Variants in MINPP1 observed in about 807,000 individuals in gnomAD.
MINPP1 encodes multiple inositol polyphosphate phosphatase 1.
MINPP1 carries 28 observed loss-of-function variants against 46.1 expected under a neutral mutation model. The ratio of observed to expected loss-of-function variants is 0.61; its 90% CI spans 0.45 to 0.83. The LOEUF (loss-of-function observed/expected upper bound fraction) is 0.83, where lower values mean the gene tolerates loss of function less well. Ranked by LOEUF, MINPP1 falls within the 40% of genes least tolerant of loss-of-function variation. The probability of loss-of-function intolerance (pLI) is 0.00; values close to 1 mark genes in which losing one functional copy is unlikely to be tolerated. For synonymous variants in MINPP1, 268 were observed against 249.1 expected (o/e 1.08, Z -0.72); for missense variants, 603 against 610.0 (o/e 0.99, Z 0.12).
At chr10:87,519,594 A>G (rs555637307) in intron 3 of MINPP1, among the ~76,000 whole-genome samples, 1 of 152,338 alleles carries the variant, frequency 6.6e-6, no homozygotes, top group East Asian at 1.9e-4. Context: ...GTGCTGTGCT[A>G]GTCTAGATTG....
chr10:87,536,722 G>A (rs1851740889), intron 4 of MINPP1, among the ~76,000 whole-genome samples: 1 of 152,104 alleles, frequency 6.6e-6, no homozygotes. Flanking sequence ...TGTTGCTGAT[G>A]AATCTAATAG....
At chr10:87,508,061 A>G in intron 1 of MINPP1, 1 of 1,456,176 alleles carries the variant, frequency 6.9e-7, no homozygotes, top group Non-Finnish European at 9.0e-7. Flanking sequence ...GTACTTATTA[A>G]TGTATGATGC....
At chr10:87,524,947 T>TATTACTAAAATGTGATAC (rs60373710) in intron 4 of MINPP1, among the ~76,000 whole-genome samples, 164 of 151,078 alleles carry the variant, frequency 1.1e-3, no homozygotes, top group African/African-American at 3.7e-3. Context: ...AAATATTGTG[T>TATTACTAAAATGTGATAC]ATTACTAAAA....
At chr10:87,512,663 A>G (rs1851352350) in intron 2 of MINPP1, among the ~76,000 whole-genome samples, 1 of 152,164 alleles carries the variant, frequency 6.6e-6, no homozygotes, top group Non-Finnish European at 1.5e-5. Flanking sequence ...ATTAAGTTTT[A>G]TATAGCAAGT....
chr10:87,532,894 A>G (rs1851679510), intron 4 of MINPP1, among the ~76,000 whole-genome samples: 2 of 152,200 alleles, frequency 1.3e-5, no homozygotes, highest in South Asian at 4.1e-4. Flanking sequence ...ACACATTGAC[A>G]GTCAGGCACC....
In MINPP1 at chr10:87,552,563, G is replaced by A; in HGVS notation, c.*85G>A. 7.4e-7 allele frequency: 1 copy of A among 1,360,480 alleles called. No homozygotes were observed. Among genetic ancestry groups the A allele is most frequent in the Non-Finnish European group, 1.0e-6 (1 of 967,408 alleles). 84.3% of individuals were successfully genotyped at this position (1,360,480 alleles called of 1,614,324 possible). ...ATAGGTAGGCAATTCCTTGATTACAGGAAGCTTTTATATTACTTGAGTATT... is the reference window on the plus strand; with the variant it reads ...ATAGGTAGGCAATTCCTTGATTACAAGAAGCTTTTATATTACTTGAGTATT... On this transcript the variant is annotated 3_prime_UTR_variant, in exon 5 of 5. Transcript: ENST00000371996.
Position 87,552,203 on chromosome 10 carries a change from AAAC to A in MINPP1, c.1192_1194del (p.Gln398del), listed in dbSNP as rs775994616. The A allele has an allele frequency of 1.9e-6, 3 of 1,613,856 alleles. No individual in the cohort carries two copies. The highest frequency in any genetic ancestry group is 2.5e-6 in the Non-Finnish European group (3 of 1,179,842). ...ACCCCTAACAGCGTACAATTACAAA[AAAC>A]AAATGCATCGGAAGTTCCGAAGTGG... is the stretch of plus-strand genomic sequence containing the variant. On this transcript the variant is annotated inframe_deletion, in exon 5 of 5. Transcript: ENST00000371996.
At chr10:87,544,988 G>C (rs552674097) in intron 4 of MINPP1, among the ~76,000 whole-genome samples, 2 of 152,168 alleles carry the variant, frequency 1.3e-5, no homozygotes, top group African/African-American at 2.4e-5. Flanking sequence ...TTATTTAAGA[G>C]TGTGTGTAAT....
chr10:87,511,304 T>C (rs909849171), intron 2 of MINPP1, among the ~76,000 whole-genome samples: 2 of 152,212 alleles, frequency 1.3e-5, no homozygotes, highest in Non-Finnish European at 2.9e-5. Context: ...AGTTTACATC[T>C]TTTACATAGC....
chr10:87,527,102 T>A (rs1851588435), intron 4 of MINPP1, among the ~76,000 whole-genome samples: 1 of 152,272 alleles, frequency 6.6e-6, no homozygotes, highest in Admixed American at 6.5e-5. Flanking sequence ...GGTAGCTTAA[T>A]GAGGATGGCA....
rs917770357 is a variant in MINPP1 at position 87,550,823 on chromosome 10, T to C, written c.1068-1259T>C. Among the ~76,000 whole-genome samples the C allele has an allele frequency of 2.6e-5, 4 of 151,918 alleles. No individual in the cohort carries two copies. The South Asian group carries it at 8.3e-4, about 32-fold the overall frequency. On this transcript the variant is annotated intron_variant, in intron 4 of 4. Transcript: ENST00000371996. Reference sequence around the variant, plus strand: ...ATTCCACTCCCAGCAGTTTCTCTAGTGTGAGCCCTGTGTTTGGAGAGTTCA... The same window carrying C: ...ATTCCACTCCCAGCAGTTTCTCTAGCGTGAGCCCTGTGTTTGGAGAGTTCA...
At chr10:87,550,387 G>A (rs1031024729) in intron 4 of MINPP1, among the ~76,000 whole-genome samples, 10 of 152,160 alleles carry the variant, frequency 6.6e-5, no homozygotes, top group Non-Finnish European at 1.5e-5. Flanking sequence ...GGCTTGGTAA[G>A]CGCCTGTTGA....
intron 3 of MINPP1, among the ~76,000 whole-genome samples, chr10:87,516,756 A>C (rs1851416794): frequency 2.2e-5 from 1 of 46,238 alleles, no homozygotes; most frequent in African/African-American, 5.0e-5. Flanking sequence ...TGAATTAAGC[A>C]AATATATCTT....
chr10:87,545,739 A>G (rs982190142), intron 4 of MINPP1, among the ~76,000 whole-genome samples: 15 of 152,184 alleles, frequency 9.9e-5, no homozygotes, highest in African/African-American at 3.6e-4. Flanking sequence ...AATAGATCAC[A>G]TCGAGTCTGG....
intron 4 of MINPP1, among the ~76,000 whole-genome samples, chr10:87,545,297 C>T (rs1407032817): frequency 6.7e-6 from 1 of 149,756 alleles, no homozygotes; most frequent in African/African-American, 2.5e-5. Flanking sequence ...AATATTCAAG[C>T]TTTCTTGACT....
chr10:87,509,656 A>G (rs1299861546), intron 2 of MINPP1: 4 of 259,012 alleles, frequency 1.5e-5, no homozygotes, highest in East Asian at 1.0e-4. Context: ...GTTGTCATGA[A>G]TTGAGCATTT....
At chr10:87,519,567 G>A (rs1192747359) in intron 3 of MINPP1, among the ~76,000 whole-genome samples, 1 of 152,116 alleles carries the variant, frequency 6.6e-6, no homozygotes, top group African/African-American at 2.4e-5. Context: ...CCTTTGGAAG[G>A]GACACAAGTT....
At chr10:87,549,575 A>C (rs966279853) in intron 4 of MINPP1, among the ~76,000 whole-genome samples, 1 of 152,194 alleles carries the variant, frequency 6.6e-6, no homozygotes, top group Non-Finnish European at 1.5e-5. Flanking sequence ...AAGAATGTAA[A>C]GTTTACTAAT....
chr10:87,539,951 C>T (rs1051061698), intron 4 of MINPP1, among the ~76,000 whole-genome samples: 1 of 152,212 alleles, frequency 6.6e-6, no homozygotes, highest in African/African-American at 2.4e-5. Context: ...ATTGCATCCT[C>T]GACTTCCTGG....
Sources: allele counts gnomAD v4.1 joint callset (sites outside exome capture counted in the v4.1 genomes callset), GRCh38; gene constraint gnomAD v4.1.1; transcripts MANE v1.5; gene names NCBI Gene and HGNC (gene_info 2026-07-23, HGNC 2026-07-21).